The following USP6 variants were observed in gnomAD, a reference collection of about 807,000 sequenced individuals.
The protein encoded by USP6 is ubiquitin specific peptidase 6.
USP6 carries 128 observed loss-of-function variants against 175.7 expected under a neutral mutation model. That is an observed-to-expected ratio of 0.73 (90% CI 0.63 to 0.84). USP6 has a LOEUF of 0.84. Ranked by LOEUF, USP6 falls within the 40% of genes least tolerant of loss-of-function variation. USP6 has a pLI of 0.00. For missense variants in USP6, 1,498 were observed against 1,760.3 expected (o/e 0.85, Z 2.67); for synonymous variants, 562 against 630.6 (o/e 0.89, Z 1.63).
Position 5,120,742 on chromosome 17 carries a change from T to C in USP6, c.-1721T>C, listed in dbSNP as rs2072635197. On this transcript the variant is annotated 5_prime_UTR_variant, in exon 3 of 38. Coordinates refer to ENST00000574788, the MANE Select transcript of USP6 (RefSeq NM_001304284.2). ...GAGATGCATGACCAGGACAAGAAATTGGTGGAGAAGAGCTACAAGGATGCC... is the reference window on the plus strand; with the variant it reads ...GAGATGCATGACCAGGACAAGAAATCGGTGGAGAAGAGCTACAAGGATGCC... 2.3e-6 allele frequency: 1 copy of C among 438,544 alleles called. No individual in the cohort carries two copies. 27.2% of individuals were successfully genotyped at this position (438,544 alleles called of 1,614,324 possible). A position where few individuals can be genotyped will look rare whatever the true frequency, so the allele number is the denominator to read the frequency against.
At chr17:5,158,141 C>T (rs1224483872) in intron 31 of USP6, among the ~76,000 whole-genome samples, 1 of 151,988 alleles carries the variant, frequency 6.6e-6, no homozygotes, top group African/African-American at 2.4e-5. Context: ...TATTTAAAGC[C>T]CTGAGACCAG....
At chr17:5,123,302 G>A (rs1006844250) in intron 4 of USP6, among the ~76,000 whole-genome samples, 29 of 151,936 alleles carry the variant, frequency 1.9e-4, no homozygotes, top group South Asian at 4.1e-4. Context: ...CACCGCCGGT[G>A]GGGGGGTGGT....
intron 14 of USP6, 143 bp downstream of exon 14, chr17:5,133,693 A>C: frequency 8.7e-7 from 1 of 1,153,408 alleles, no homozygotes; most frequent in Non-Finnish European, 1.3e-6. Context: ...ACGGTGACAC[A>C]GTCACCACAG....
Position 5,168,884 on chromosome 17 carries a change from G to C in USP6, c.3346G>C (p.Ala1116Pro). 1 of 1,613,854 alleles carries C rather than the reference G, an allele frequency of 6.2e-7. No individual in the cohort carries two copies. Among genetic ancestry groups the C allele is most frequent in the Non-Finnish European group, 8.5e-7 (1 of 1,179,838 alleles). ...PSAFLVPRDP[A>P]LCQHKPLTPQ... ...TGCTTTTTTGGTACCACGAGACCCG[G>C]CCCTCTGCCAGCATAAACCACTCAC... is the stretch of plus-strand genomic sequence containing the variant. The change falls in exon 35 of 38, where the codon GCC becomes CCC. Residue 1116 changes from alanine (A) to proline (P), a missense_variant. Ala to Pro is a conservative substitution (Grantham distance 27). Coordinates refer to ENST00000574788, the MANE Select transcript of USP6 (RefSeq NM_001304284.2).
chr17:5,172,444 T>C (rs1181205306), intron 37 of USP6, among the ~76,000 whole-genome samples: 3 of 152,238 alleles, frequency 2.0e-5, no homozygotes, highest in East Asian at 3.9e-4. Context: ...GGCAGGAGAA[T>C]CGCTTGAACC....
intron 3 of USP6, among the ~76,000 whole-genome samples, chr17:5,121,019 T>G (rs1475373417): frequency 6.6e-6 from 1 of 152,176 alleles, no homozygotes; most frequent in Non-Finnish European, 1.5e-5. Context: ...ACAAGTCTGG[T>G]CTTGGGTTTC....
chr17:5,155,021 CTACCACACCCAGCT>C (rs1265243534), intron 30 of USP6, among the ~76,000 whole-genome samples: 1 of 152,208 alleles, frequency 6.6e-6, no homozygotes, highest in Non-Finnish European at 1.5e-5. Context: ...CAGGCGTGAG[CTACCACACCCAGCT>C]TACTGGCATA....
chr17:5,142,325 C>T (rs1271810855), intron 24 of USP6, 72 bp from the exon 25 acceptor site: 5 of 1,498,026 alleles, frequency 3.3e-6, no homozygotes, highest in Non-Finnish European at 4.5e-6. Flanking sequence ...ATGTGAGATG[C>T]TAGGCATCTT....
At chr17:5,171,185 T>G (rs1235995791) in intron 36 of USP6, among the ~76,000 whole-genome samples, 1 of 151,910 alleles carries the variant, frequency 6.6e-6, no homozygotes, top group Non-Finnish European at 1.5e-5. Context: ...CAAATAATTT[T>G]AAAATGGAGC....
In USP6 at chr17:5,170,560, T is replaced by C. The variant is rs1171143174; in HGVS notation, c.3599T>C (p.Leu1200Ser). ...AGCCCTAATAGCAGCCCACGGACTT[T>C]GGGGAGGAGCAAAGGGAGGCTCCGG... ...NSSPNSSPRTLGRSKGRLRLP... is the reference protein window; with the variant it reads ...NSSPNSSPRTSGRSKGRLRLP... Residue 1200 changes from leucine (L) to serine (S), a missense_variant, in exon 36 of 38, where the codon TTG becomes TCG. Leu to Ser is a moderately radical substitution (Grantham distance 145, BLOSUM62 -2). This residue lies in a region of USP6 where 1,217 missense variants were observed against 1,500.8 expected (regional missense o/e 0.81). Coordinates refer to ENST00000574788, the MANE Select transcript of USP6 (RefSeq NM_001304284.2). 6.2e-7 allele frequency: 1 copy of C among 1,612,094 alleles called. No homozygotes were observed. Among genetic ancestry groups the C allele is most frequent in the South Asian group, 1.1e-5 (1 of 90,996 alleles).
intron 14 of USP6, 47 bp downstream of exon 14, chr17:5,133,597 C>T (rs375663368): frequency 2.7e-5 from 41 of 1,544,826 alleles, no homozygotes; most frequent in Non-Finnish European, 3.7e-5. Flanking sequence ...GTGTCAGGGG[C>T]CCAGGTCTCC....
chr17:5,157,611 G>A (rs1482147350), intron 31 of USP6, among the ~76,000 whole-genome samples: 4 of 152,124 alleles, frequency 2.6e-5, no homozygotes, highest in Non-Finnish European at 5.9e-5. Flanking sequence ...TAGGGAAAGA[G>A]GAATCCAGGC....
chr17:5,149,529 C>A (rs368301719), intron 30 of USP6, among the ~76,000 whole-genome samples: 1 of 152,162 alleles, frequency 6.6e-6, no homozygotes, highest in African/African-American at 2.4e-5. Context: ...AATAACCACT[C>A]AACTCCAACC....
At chr17:5,117,878 A>G (rs952149536) in intron 1 of USP6, among the ~76,000 whole-genome samples, 1 of 152,080 alleles carries the variant, frequency 6.6e-6, no homozygotes, top group African/African-American at 2.4e-5. Flanking sequence ...GCAGATCACC[A>G]GGAGTTTAAG....
intron 15 of USP6, 42 bp from the exon 16 acceptor site, chr17:5,135,192 T>C: frequency 6.2e-7 from 1 of 1,605,258 alleles, no homozygotes; most frequent in Non-Finnish European, 8.5e-7. Flanking sequence ...ACTAACAGCA[T>C]CTGCACAAAC....
intron 35 of USP6, among the ~76,000 whole-genome samples, chr17:5,169,787 CTTT>C (rs1372850981): frequency 6.6e-6 from 1 of 151,920 alleles, no homozygotes; most frequent in African/African-American, 2.4e-5. Context: ...TGCTTTTTCA[CTTT>C]TTTTCTCTCA....
intron 4 of USP6, among the ~76,000 whole-genome samples, chr17:5,124,288 G>A (rs1427771820): frequency 6.6e-6 from 1 of 152,182 alleles, no homozygotes; most frequent in Non-Finnish European, 1.5e-5. Flanking sequence ...ATGCAATGAG[G>A]TTGGGCGGTA....
intron 14 of USP6, 100 bp downstream of exon 14, chr17:5,133,650 G>GGGGGGGC: frequency 9.0e-6 from 5 of 556,550 alleles, no homozygotes; most frequent in African/African-American, 1.9e-5. Context: ...GGGGGGGTGG[G>GGGGGGGC]AGGGGATGGT....
intron 31 of USP6, among the ~76,000 whole-genome samples, chr17:5,157,276 G>A (rs1020188002): frequency 6.6e-4 from 101 of 152,004 alleles, no homozygotes; most frequent in African/African-American, 2.4e-3. Context: ...AGTACAGGCA[G>A]GGTTTCACCA....
Sources: gnomAD v4.1 joint callset for allele counts (sites outside exome capture counted in the v4.1 genomes callset) on GRCh38, gnomAD v4.1.1 for gene constraint, gnomAD v4.1.1 regional missense constraint, MANE v1.5 for transcripts, NCBI Gene and HGNC (gene_info 2026-07-23, HGNC 2026-07-21) for gene names.